Variants in RUFY3 observed in about 807,000 individuals in gnomAD.
The protein encoded by RUFY3 is RUN and FYVE domain containing 3, also known as protein RUFY3.
Under a neutral mutation model 84.0 loss-of-function variants are expected in RUFY3, and 34 were observed. The observed-to-expected ratio is 0.40, with a 90% CI of 0.31 to 0.54. RUFY3 has a LOEUF of 0.54. Among genes scored for constraint, RUFY3 ranks in the 20% least tolerant of loss-of-function variants. RUFY3 has a pLI of 0.39. For synonymous variants in RUFY3, 242 were observed against 252.9 expected (o/e 0.96, Z 0.41); for missense variants, 507 against 736.8 (o/e 0.69, Z 3.61).
rs540816910 is a variant in RUFY3, at chr4:70,705,223, G to A, written c.287G>A (p.Gly96Asp). ...TCCTGGAGGACCCCGCCGTCCCCCG[G>A]CTCACCGCTGCCCTTCCTGCTGCTG... is the stretch of plus-strand genomic sequence containing the variant. Residue 96 changes from glycine (G) to aspartate (D), a missense_variant, in exon 1 of 12, where the codon GGC becomes GAC. Transcript: ENST00000417478. 2,692 of 1,461,356 alleles carry A rather than the reference G, an allele frequency of 1.8e-3. 5 individuals carry two copies. Among genetic ancestry groups the A allele is most frequent in the Non-Finnish European group, 2.1e-3 (2,346 of 1,112,814 alleles). The allele number at this position is 1,461,356 out of a possible 1,614,324, so 90.5% of individuals were successfully genotyped here.
chr4:70,761,513 C>G (rs1270182883), intron 1 of RUFY3, among the ~76,000 whole-genome samples: 1 of 152,198 alleles, frequency 6.6e-6, no homozygotes, highest in East Asian at 1.9e-4. Flanking sequence ...AAGCTTTACT[C>G]TCTAAGTCTC....
intron 1 of RUFY3, among the ~76,000 whole-genome samples, chr4:70,738,955 T>C (rs1720863123): frequency 6.6e-6 from 1 of 151,828 alleles, no homozygotes; most frequent in East Asian, 1.9e-4. Context: ...GGCTAGGCGA[T>C]GCACCCACCT....
chr4:70,735,927 G>A (rs1720203249), intron 1 of RUFY3, among the ~76,000 whole-genome samples: 1 of 152,034 alleles, frequency 6.6e-6, no homozygotes, highest in South Asian at 2.1e-4. Context: ...GGTGGAGGTT[G>A]CAGTGAGATG....
At chr4:70,746,668 A>C (rs1052450402) in intron 1 of RUFY3, among the ~76,000 whole-genome samples, 2 of 152,200 alleles carry the variant, frequency 1.3e-5, no homozygotes, top group African/African-American at 2.4e-5. Context: ...GGAAAGTGAC[A>C]CATACAGAGG....
chr4:70,804,381 T>G lies in RUFY3; in HGVS notation c.1684T>G (p.Cys562Gly). 6.2e-7 allele frequency: 1 copy of G among 1,614,076 alleles called. No homozygotes were observed. Among genetic ancestry groups the G allele is most frequent in the Non-Finnish European group, 8.5e-7 (1 of 1,179,978 alleles). Residue 562 changes from cysteine to glycine, a missense_variant, in exon 17 of 18, where the codon TGT becomes GGT. Transcript: ENST00000381006. ...GCTGCTCTCTGAAAAGCCACAGTTG[T>G]GTCAGCTATGCCAGGAAGACGGCAG... ...QLLLSEKPQL[C>G]QLCQEDGSLT... is the part of the protein sequence containing the mutation.
At chr4:70,795,362 G>C (rs1420292593) in intron 14 of RUFY3, among the ~76,000 whole-genome samples, 1 of 151,980 alleles carries the variant, frequency 6.6e-6, no homozygotes, top group Non-Finnish European at 1.5e-5. Flanking sequence ...ACTTCTCGTG[G>C]GAATAATTAG....
intron 1 of RUFY3, among the ~76,000 whole-genome samples, chr4:70,705,701 A>T (rs1038035260): frequency 2.2e-4 from 34 of 151,940 alleles, no homozygotes; most frequent in African/African-American, 7.7e-4. Flanking sequence ...GGAGTCTAAG[A>T]GGGGGCGGCG....
intron 1 of RUFY3, among the ~76,000 whole-genome samples, chr4:70,715,133 G>C (rs1359756629): frequency 6.6e-6 from 1 of 152,202 alleles, no homozygotes; most frequent in Non-Finnish European, 1.5e-5. Flanking sequence ...CTTGGAATCA[G>C]AGGTAGACAT....
upstream of RUFY3, among the ~76,000 whole-genome samples, chr4:70,718,238 G>A (rs1243399898): frequency 6.6e-6 from 1 of 152,100 alleles, no homozygotes; most frequent in Non-Finnish European, 1.5e-5. Flanking sequence ...ATAAATGATA[G>A]CTATTTTAGG....
chr4:70,765,557 A>G (rs1360581772), intron 4 of RUFY3, among the ~76,000 whole-genome samples: 2 of 152,154 alleles, frequency 1.3e-5, no homozygotes, highest in Admixed American at 6.5e-5. Flanking sequence ...GAATTCAGCC[A>G]TATTCCACTT....
chr4:70,787,524 G>A (rs1347803770), intron 10 of RUFY3, among the ~76,000 whole-genome samples: 1 of 151,832 alleles, frequency 6.6e-6, no homozygotes, highest in Non-Finnish European at 1.5e-5. Flanking sequence ...GACTCCCAAA[G>A]TGCTGGGATT....
In RUFY3 at chr4:70,804,331, C is replaced by T. The variant is rs1351674088; in HGVS notation, c.1651-17C>T. The T allele has an allele frequency of 8.1e-6, 13 of 1,612,824 alleles. No homozygotes were observed. The highest frequency in any genetic ancestry group is 6.7e-5 in the African/African-American group (5 of 74,846). ...TCTGGCACTAAGAAAAACTAACCAG[C>T]TCCCTGTGTGGTTTAGGATCAGCTG... On this transcript the variant is annotated splice_polypyrimidine_tract_variant and intron_variant, in intron 16 of 17. Transcript: ENST00000381006.
intron 5 of RUFY3, 123 bp from the exon 6 acceptor site, chr4:70,773,388 A>AT: frequency 1.6e-6 from 1 of 641,138 alleles, no homozygotes; most frequent in Non-Finnish European, 2.8e-6. Flanking sequence ...TACATTTTTA[A>AT]TCGTAAATTT....
At chr4:70,704,896 C>A in exon 1 of RUFY3, 1 of 1,189,370 alleles carries the variant, frequency 8.4e-7, no homozygotes, top group South Asian at 4.1e-5. Context: ...CCGCCCAGGC[C>A]CGGGCGCGAA....
chr4:70,788,658 A>G (rs547422724), intron 10 of RUFY3, 148 bp from the exon 11 acceptor site: 1 of 657,284 alleles, frequency 1.5e-6, no homozygotes, highest in East Asian at 2.8e-5. Context: ...AATTATTGTT[A>G]ATGTCTCTGA....
intron 1 of RUFY3, among the ~76,000 whole-genome samples, chr4:70,753,832 A>G (rs997975071): frequency 6.6e-6 from 1 of 152,182 alleles, no homozygotes; most frequent in African/African-American, 2.4e-5. Flanking sequence ...TTCCAAGGGA[A>G]AAAACTGAAC....
intron 1 of RUFY3, among the ~76,000 whole-genome samples, chr4:70,712,259 G>A (rs1741077012): frequency 6.6e-6 from 1 of 152,138 alleles, no homozygotes. Flanking sequence ...ATTTTTGTGT[G>A]CCGTGCAGAG....
chr4:70,802,868 G>A (rs1277458311), intron 15 of RUFY3, 88 bp from the exon 16 acceptor site: 9 of 878,254 alleles, frequency 1.0e-5, no homozygotes, highest in Middle Eastern at 2.4e-4. Context: ...TGAAAAAAAT[G>A]TTTGTATTCT....
chr4:70,758,741 A>T (rs568312364), intron 1 of RUFY3, among the ~76,000 whole-genome samples: 59 of 141,732 alleles, frequency 4.2e-4, no homozygotes, highest in African/African-American at 1.4e-3. Context: ...TGAAAATATA[A>T]AAAAAAAAAA....
Sources: gnomAD v4.1 joint callset for allele counts (sites outside exome capture counted in the v4.1 genomes callset) on GRCh38, gnomAD v4.1.1 for gene constraint, MANE v1.5 for transcripts, NCBI Gene and HGNC (gene_info 2026-07-23, HGNC 2026-07-21) for gene names.